PAK3: variants seen among roughly 807,000 people sequenced by gnomAD.
The protein encoded by PAK3 is serine/threonine-protein kinase PAK 3.
A neutral mutation model predicts 41.0 loss-of-function variants in PAK3; 4 were observed. The observed-to-expected ratio is 0.10, with a 90% CI of 0.05 to 0.22. The LOEUF (loss-of-function observed/expected upper bound fraction) is 0.22. Among genes scored for constraint, PAK3 ranks in the 10% least tolerant of loss-of-function variants. The pLI is 1.00. For synonymous variants in PAK3, 146 were observed against 139.6 expected, an observed-to-expected ratio of 1.05 and a Z score of -0.32; for missense variants, 205 against 409.9, an observed-to-expected ratio of 0.50 and a Z score of 4.32.
intron 1 of PAK3, among the ~76,000 whole-genome samples, chrX:111,033,897 T>A (rs191460180): frequency 6.3e-5 from 7 of 110,591 alleles, no homozygotes; most frequent in South Asian, 3.9e-4. Flanking sequence ...TATTTTGCAA[T>A]TATGTGAGAG....
chrX:111,005,956 G>A (rs1160107531), intron 1 of PAK3, among the ~76,000 whole-genome samples: 1 of 111,143 alleles, frequency 9.0e-6, no homozygotes, highest in Non-Finnish European at 1.9e-5. Flanking sequence ...GAGACATGGA[G>A]GTCTAGACAA....
intron 1 of PAK3, among the ~76,000 whole-genome samples, chrX:110,995,391 T>C (rs924445409): frequency 9.0e-6 from 1 of 111,311 alleles, no homozygotes; most frequent in Non-Finnish European, 1.9e-5. Flanking sequence ...ATCTTAGCTT[T>C]GGAAAGATTT....
At chrX:110,996,717 T>C (rs770588086) in intron 1 of PAK3, among the ~76,000 whole-genome samples, 49 of 111,546 alleles carry the variant, frequency 4.4e-4, no homozygotes, top group Non-Finnish European at 9.2e-4. Flanking sequence ...TACAATGAGA[T>C]GGTGGCTGTC....
At chrX:111,093,595 C>T (rs908282119), upstream of PAK3, among the ~76,000 whole-genome samples, 8 of 112,152 alleles carry the variant, frequency 7.1e-5, no homozygotes, top group African/African-American at 2.3e-4. Flanking sequence ...ACTGCTTTCT[C>T]GTATCAAGAA....
intron 1 of PAK3, among the ~76,000 whole-genome samples, chrX:111,081,525 A>T (rs1393416721): frequency 9.1e-6 from 1 of 110,380 alleles, no homozygotes; most frequent in Non-Finnish European, 1.9e-5. Flanking sequence ...TAGCAAGAGA[A>T]CTAGAATTAG....
chrX:111,111,682 C>A (rs189425416), intron 4 of PAK3, among the ~76,000 whole-genome samples: 109 of 111,843 alleles, frequency 9.7e-4, no homozygotes, highest in African/African-American at 3.3e-3. Flanking sequence ...CTAAGCTATT[C>A]GGTTATTTTC....
At chrX:111,147,259 G>T (rs1174909982) in intron 6 of PAK3, among the ~76,000 whole-genome samples, 1 of 111,659 alleles carries the variant, frequency 9.0e-6, no homozygotes, top group East Asian at 2.8e-4. Context: ...CCTGACCAAG[G>T]GTGATCCTTT....
At chrX:111,150,735 G>A (rs903211536) in intron 7 of PAK3, among the ~76,000 whole-genome samples, 1 of 111,465 alleles carries the variant, frequency 9.0e-6, no homozygotes, top group Non-Finnish European at 1.9e-5. Context: ...TTGAGATTTG[G>A]GTGGGGACAC....
At chrX:111,091,828 T>G (rs181090635), upstream of PAK3, among the ~76,000 whole-genome samples, 6 of 112,143 alleles carry the variant, frequency 5.4e-5, no homozygotes, top group East Asian at 1.7e-3. Flanking sequence ...TCCTAGCCAA[T>G]GCTGTGCACC....
intron 1 of PAK3, among the ~76,000 whole-genome samples, chrX:110,960,826 G>C (rs1216421000): frequency 2.7e-5 from 3 of 111,144 alleles, no homozygotes; most frequent in Non-Finnish European, 5.7e-5. Context: ...AATTGAGAGA[G>C]CTTATATATC....
intron 1 of PAK3, among the ~76,000 whole-genome samples, chrX:110,961,535 TC>T (rs2090977311): frequency 8.9e-6 from 1 of 111,812 alleles, no homozygotes; most frequent in Admixed American, 9.5e-5. Flanking sequence ...TGTTGTCTCC[TC>T]TGGCACTTCC....
intron 1 of PAK3, among the ~76,000 whole-genome samples, chrX:110,994,488 G>A (rs909326744): frequency 5.4e-5 from 6 of 111,534 alleles, no homozygotes; most frequent in Non-Finnish European, 9.4e-5. Context: ...GGGCAGAAAG[G>A]AGAAGGAGAA....
intron 1 of PAK3, among the ~76,000 whole-genome samples, chrX:110,950,616 G>A (rs534641148): frequency 1.8e-4 from 20 of 111,278 alleles, no homozygotes; most frequent in Admixed American, 7.6e-4. Context: ...GTGATGTTCC[G>A]CTCCCTGTGT....
intron 1 of PAK3, among the ~76,000 whole-genome samples, chrX:111,036,506 C>T (rs1321618999): frequency 8.9e-6 from 1 of 111,920 alleles, no homozygotes; most frequent in African/African-American, 3.3e-5. Flanking sequence ...AGGGGGAACC[C>T]CCTTATAAAA....
At chrX:111,203,996 G>A (rs2094711895) in intron 16 of PAK3, among the ~76,000 whole-genome samples, 1 of 111,643 alleles carries the variant, frequency 9.0e-6, no homozygotes, top group South Asian at 3.8e-4. Flanking sequence ...CTATTTTGAG[G>A]GCAAACCTAT....
chrX:110,998,979 C>A (rs928090517), intron 1 of PAK3, among the ~76,000 whole-genome samples: 4 of 111,886 alleles, frequency 3.6e-5, no homozygotes, highest in African/African-American at 1.3e-4. Context: ...TGGCATGGCA[C>A]AACTCCCTTT....
chrX:111,062,402 T>A (rs1464597430), intron 1 of PAK3, among the ~76,000 whole-genome samples: 1 of 112,316 alleles, frequency 8.9e-6, no homozygotes, highest in Non-Finnish European at 1.9e-5. Context: ...ATACTGTGTG[T>A]GGTACGTACA....
chrX:111,037,446 A>G (rs2092411744), intron 1 of PAK3, among the ~76,000 whole-genome samples: 1 of 111,656 alleles, frequency 9.0e-6, no homozygotes, highest in South Asian at 3.8e-4. Context: ...TTCATTCAAA[A>G]AGTGGTCTCT....
chrX:110,998,030 T>G (rs984007838), intron 1 of PAK3, among the ~76,000 whole-genome samples: 4 of 111,789 alleles, frequency 3.6e-5, no homozygotes, highest in African/African-American at 1.3e-4. Flanking sequence ...TTATGGTATT[T>G]CATTATAGTA....
Sources: gnomAD v4.1 joint callset for allele counts (sites outside exome capture counted in the v4.1 genomes callset) on GRCh38, gnomAD v4.1.1 for gene constraint, MANE v1.5 for transcripts, NCBI Gene and HGNC (gene_info 2026-07-23, HGNC 2026-07-21) for gene names.